The following PUDP variants were observed in gnomAD, a reference collection of about 807,000 sequenced individuals.
PUDP encodes pseudouridine-5'-phosphatase.
A neutral mutation model predicts 9.4 loss-of-function variants in PUDP; 8 were observed. The ratio of observed to expected loss-of-function variants is 0.85; its 90% confidence interval spans 0.50 to 1.53. PUDP has a LOEUF of 1.53. Among genes scored for constraint, PUDP ranks in the 40% most tolerant of loss-of-function variants. The pLI is 0.00. For synonymous variants in PUDP, 99 were observed against 80.7 expected (o/e 1.23, Z -1.22); for missense variants, 188 against 189.7 (o/e 0.99, Z 0.05).
At chrX:7,039,922 AG>A (rs943679339) in intron 1 of PUDP, among the ~76,000 whole-genome samples, 14 of 112,255 alleles carry the variant, frequency 1.2e-4, no homozygotes, top group African/African-American at 4.5e-4. Context: ...AAAATGGCAC[AG>A]AATGTTTAAA....
At chrX:7,076,957 C>T (rs1390647439) in intron 3 of PUDP, among the ~76,000 whole-genome samples, 1 of 111,924 alleles carries the variant, frequency 8.9e-6, no homozygotes, top group Non-Finnish European at 1.9e-5. Flanking sequence ...TGTTCTGGCA[C>T]TGTAAGCTTC....
intron 3 of PUDP, among the ~76,000 whole-genome samples, chrX:7,065,456 G>A (rs1221923115): frequency 1.8e-5 from 2 of 112,165 alleles, no homozygotes. Context: ...CAGAGCCTTG[G>A]GGTTTATGTC....
chrX:7,017,897 G>A (rs1202567892), intron 1 of PUDP, among the ~76,000 whole-genome samples: 1 of 111,612 alleles, frequency 9.0e-6, no homozygotes, highest in African/African-American at 3.3e-5. Flanking sequence ...GTTGGCACAA[G>A]ATACAGGTCA....
chrX:6,777,774 C>T (rs1201663889), intron 3 of PUDP, among the ~76,000 whole-genome samples: 1 of 111,595 alleles, frequency 9.0e-6, no homozygotes, highest in Non-Finnish European at 1.9e-5. Flanking sequence ...TTTGATACTT[C>T]CTCTTCCTTT....
chrX:7,112,680 C>T (rs1351365851), intron 1 of PUDP, among the ~76,000 whole-genome samples: 3 of 111,537 alleles, frequency 2.7e-5, no homozygotes, highest in Non-Finnish European at 3.8e-5. Context: ...TTTAAGAGTT[C>T]AGCTTTTCTT....
intron 1 of PUDP, among the ~76,000 whole-genome samples, chrX:7,006,285 A>C (rs899848953): frequency 8.9e-6 from 1 of 112,136 alleles, no homozygotes; most frequent in African/African-American, 3.2e-5. Context: ...GCACCATTTT[A>C]ATTCTTATGA....
intron 3 of PUDP, among the ~76,000 whole-genome samples, chrX:6,831,472 A>G (rs1032361737): frequency 1.6e-4 from 18 of 112,305 alleles, no homozygotes; most frequent in African/African-American, 4.9e-4. Flanking sequence ...GGAATGAACG[A>G]GGACAGCTTG....
chrX:6,777,460 T>C (rs372078116), intron 3 of PUDP, among the ~76,000 whole-genome samples: 2 of 112,267 alleles, frequency 1.8e-5, no homozygotes, highest in African/African-American at 6.5e-5. Flanking sequence ...TGACCTAAGC[T>C]GTATTATTTG....
intron 3 of PUDP, among the ~76,000 whole-genome samples, chrX:6,783,657 T>C (rs1925601389): frequency 8.9e-6 from 1 of 112,119 alleles, no homozygotes; most frequent in Non-Finnish European, 1.9e-5. Context: ...TTGTGGAATA[T>C]TGGAGATAAC....
chrX:7,050,570 C>A, intron 3 of PUDP, 98 bp from the exon 4 acceptor site: 1 of 741,361 alleles, frequency 1.3e-6, no homozygotes, highest in Non-Finnish European at 2.0e-6. Context: ...TGCAACTGTG[C>A]AGAAAGAGAC....
At chrX:6,949,141 A>G (rs954974950) in intron 3 of PUDP, among the ~76,000 whole-genome samples, 3 of 112,106 alleles carry the variant, frequency 2.7e-5, no homozygotes, top group African/African-American at 9.7e-5. Context: ...TACATACACT[A>G]TATCAACAAC....
chrX:6,761,319 T>G (rs1255137107), intron 3 of PUDP, among the ~76,000 whole-genome samples: 1 of 112,359 alleles, frequency 8.9e-6, no homozygotes, highest in African/African-American at 3.2e-5. Flanking sequence ...TGACAAGGAA[T>G]GTGCAAAGCA....
intron 1 of PUDP, among the ~76,000 whole-genome samples, chrX:6,993,058 G>GCACTA (rs1400376920): frequency 8.9e-6 from 1 of 112,011 alleles, no homozygotes; most frequent in East Asian, 2.8e-4. Flanking sequence ...ACTGAAGGCT[G>GCACTA]CACTATCACC....
chrX:6,721,145 C>A (rs1924669280), intron 1 of PUDP, among the ~76,000 whole-genome samples: 1 of 112,108 alleles, frequency 8.9e-6, no homozygotes, highest in African/African-American at 3.2e-5. Flanking sequence ...GTGACAGCAA[C>A]AACTGAGAGA....
chrX:6,755,272 G>A (rs1278716527), intron 3 of PUDP, among the ~76,000 whole-genome samples: 2 of 111,568 alleles, frequency 1.8e-5, no homozygotes, highest in African/African-American at 6.5e-5. Flanking sequence ...CCTAGCCAAT[G>A]GTTCAGCTAA....
intron 3 of PUDP, among the ~76,000 whole-genome samples, chrX:6,774,196 C>T (rs1007426845): frequency 8.9e-6 from 1 of 111,898 alleles, no homozygotes; most frequent in Non-Finnish European, 1.9e-5. Context: ...AGTGTTATCC[C>T]GTTCTGCAGG....
At chrX:7,103,841 A>G (rs1197848140) in intron 2 of PUDP, among the ~76,000 whole-genome samples, 1 of 112,429 alleles carries the variant, frequency 8.9e-6, no homozygotes, top group Non-Finnish European at 1.9e-5. Context: ...AAAACCATAA[A>G]GAGATATCAA....
chrX:6,829,459 T>G (rs761105039), intron 3 of PUDP, among the ~76,000 whole-genome samples: 2 of 111,979 alleles, frequency 1.8e-5, no homozygotes, highest in Non-Finnish European at 3.8e-5. Flanking sequence ...AGAAATTGTA[T>G]TCCAAAGTGG....
At chrX:7,126,184 T>G (rs965702366) in intron 1 of PUDP, among the ~76,000 whole-genome samples, 1 of 111,954 alleles carries the variant, frequency 8.9e-6, no homozygotes, top group East Asian at 2.8e-4. Flanking sequence ...CACAGGAATA[T>G]TTCTTTAGCT....
Sources: allele counts gnomAD v4.1 joint callset (sites outside exome capture counted in the v4.1 genomes callset), GRCh38; gene constraint gnomAD v4.1.1; transcripts MANE v1.5; gene names NCBI Gene and HGNC (gene_info 2026-07-23, HGNC 2026-07-21).